BRI3BP: variants seen among roughly 807,000 people sequenced by gnomAD.
BRI3BP encodes the protein BRI3 binding protein, also known as BRI3-binding protein.
A neutral mutation model predicts 15.8 loss-of-function variants in BRI3BP; 7 were observed. That is an observed-to-expected ratio of 0.44 (90% confidence interval 0.25 to 0.83). The LOEUF is 0.83. Among genes scored for constraint, BRI3BP ranks in the 40% least tolerant of loss-of-function variants. BRI3BP has a pLI of 0.20. For synonymous variants in BRI3BP, 192 were observed against 163.5 expected, an observed-to-expected ratio of 1.17 and a Z score of -1.33; for missense variants, 320 against 339.3, an observed-to-expected ratio of 0.94 and a Z score of 0.45.
chr12:125,026,318 G>GGT lies in BRI3BP; in HGVS notation c.*888_*889insGT, dbSNP rs1443079467. On this transcript the variant is annotated 3_prime_UTR_variant, in exon 3 of 3. Coordinates refer to ENST00000341446, the MANE Select transcript of BRI3BP (RefSeq NM_080626.6). ...ATATACAAAAGCTATACCCTTGAGG[G>GGT]TTTTTTTTTTTTTCTTTTGATTTCC... 1.4e-5 allele frequency: 2 copies of GGT among 146,874 alleles called. No individual in the cohort carries two copies. Among genetic ancestry groups the GGT allele is most frequent in the Admixed American group, 6.8e-5 (1 of 14,756 alleles). 9.1% of individuals were successfully genotyped at this position (146,874 alleles called of 1,614,324 possible).
chr12:124,996,427 C>CTGAGTAGCCGGGATTACAAG (rs879804258), intron 1 of BRI3BP, among the ~76,000 whole-genome samples: 1 of 152,148 alleles, frequency 6.6e-6, no homozygotes, highest in East Asian at 1.9e-4. Flanking sequence ...CCTCAGCCTC[C>CTGAGTAGCCGGGATTACAAG]TGAGTAGCCG....
At chr12:125,049,749 A>G in the BRI3BP span, among the ~76,000 whole-genome samples, 1 of 152,198 alleles carries the variant, frequency 6.6e-6, no homozygotes, top group Non-Finnish European at 1.5e-5. Flanking sequence ...GATCTTCCAG[A>G]CGCGGAGGCC....
At chr12:125,035,163 C>G (rs1364050063), downstream of BRI3BP, among the ~76,000 whole-genome samples, 1 of 152,148 alleles carries the variant, frequency 6.6e-6, no homozygotes, top group Admixed American at 6.5e-5. Context: ...ATGTATAGGA[C>G]TTTGTATGAA....
At chr12:125,032,156 T>C (rs1233557329), downstream of BRI3BP, among the ~76,000 whole-genome samples, 1 of 152,102 alleles carries the variant, frequency 6.6e-6, no homozygotes, top group African/African-American at 2.4e-5. Flanking sequence ...ATAAAGTCAA[T>C]ACCTGCTATT....
intron 2 of BRI3BP, among the ~76,000 whole-genome samples, chr12:125,016,108 C>G (rs1201758368): frequency 2.6e-5 from 4 of 152,182 alleles, no homozygotes; most frequent in Non-Finnish European, 5.9e-5. Context: ...TCCACGAGCC[C>G]TGAATGCCTG....
In BRI3BP at chr12:125,031,064, GATA is replaced by G. The variant is rs1366836125; in HGVS notation, c.*5635_*5637del. 1 of 151,492 alleles carries G rather than the reference GATA, an allele frequency of 6.6e-6. No homozygotes were observed. Among genetic ancestry groups the G allele is most frequent in the Admixed American group, 6.6e-5 (1 of 15,188 alleles). 9.4% of individuals were successfully genotyped at this position (151,492 alleles called of 1,614,324 possible). ...TGTATCAGGCATTTTTTTGCAAAGCGATATATACATTCCTCTTATTTATTAAAT... is the reference window on the plus strand; with the variant it reads ...TGTATCAGGCATTTTTTTGCAAAGCGTATACATTCCTCTTATTTATTAAAT... On this transcript the variant is annotated 3_prime_UTR_variant, in exon 3 of 3. Transcript: ENST00000341446.
chr12:125,031,401 G>A (rs150004199), downstream of BRI3BP, among the ~76,000 whole-genome samples: 92 of 152,112 alleles, frequency 6.0e-4, no homozygotes, highest in African/African-American at 2.0e-3. Flanking sequence ...ACAACCAGTA[G>A]TGTTTTAGTA....
chr12:124,994,561 C>G (rs139841851), intron 1 of BRI3BP, among the ~76,000 whole-genome samples: 10 of 152,274 alleles, frequency 6.6e-5, no homozygotes, highest in Middle Eastern at 3.4e-3. Context: ...CGAGCACCTA[C>G]TGTGTGCGGG....
At chr12:125,037,406 T>C in the BRI3BP span, among the ~76,000 whole-genome samples, 1 of 152,166 alleles carries the variant, frequency 6.6e-6, no homozygotes, top group Non-Finnish European at 1.5e-5. Context: ...AGATAGCAGA[T>C]TGGCAACCTG....
chr12:125,012,599 A>T lies in BRI3BP; in HGVS notation c.279A>T (p.Lys93Asn). 6.2e-7 allele frequency: 1 copy of T among 1,612,878 alleles called. No homozygotes were observed. Residue 93 changes from lysine to asparagine, a missense_variant, in exon 2 of 3, where the codon AAA becomes AAT. Lys to Asn is a moderately conservative substitution (Grantham distance 94). Coordinates refer to ENST00000341446, the MANE Select transcript of BRI3BP (RefSeq NM_080626.6). Reference sequence around the variant, plus strand: ...ATATGTTCGTGGAGACACTGTGGAAAGTCTGGACCGAGCTCTTGGATGTTC... The same window carrying T: ...ATATGTTCGTGGAGACACTGTGGAATGTCTGGACCGAGCTCTTGGATGTTC... ...GVDMFVETLW[K>N]VWTELLDVLG... is the part of the protein sequence containing the mutation.
chr12:125,022,518 A>ATTATTTATTTATTTATTTATTTAT (rs573464976), intron 2 of BRI3BP, among the ~76,000 whole-genome samples: 11 of 144,426 alleles, frequency 7.6e-5, no homozygotes, highest in Middle Eastern at 3.6e-3. Context: ...TTGTTAATTT[A>ATTATTTATTTATTTATTTATTTAT]TTATTTATTT....
At chr12:125,017,448 C>A (rs1286964651) in intron 2 of BRI3BP, among the ~76,000 whole-genome samples, 1 of 152,100 alleles carries the variant, frequency 6.6e-6, no homozygotes, top group Admixed American at 6.5e-5. Flanking sequence ...TGCCACCATG[C>A]CCAGGTGAAA....
chr12:125,000,722 T>G (rs1271741275), intron 1 of BRI3BP, among the ~76,000 whole-genome samples: 1 of 152,194 alleles, frequency 6.6e-6, no homozygotes, highest in Admixed American at 6.5e-5. Context: ...TTCTTACATT[T>G]CCCCTCAAAC....
intron 1 of BRI3BP, among the ~76,000 whole-genome samples, chr12:124,999,479 A>G (rs911106408): frequency 1.3e-5 from 2 of 152,144 alleles, no homozygotes; most frequent in African/African-American, 4.8e-5. Context: ...GCTGGAGTGC[A>G]GTAGCTCAAT....
chr12:125,025,394 G>C lies in BRI3BP; in HGVS notation c.720G>C (p.Arg240=). ...GACTGCTCAACATCCGTCTCAACCG[G>C]GTGCTCGAGAGCCTGGACCGCTCCA... ...QVRLLNIRLN[R]VLESLDRSKD... Residue 240 remains arginine, a synonymous_variant, in exon 3 of 3, where the codon CGG becomes CGC. Transcript: ENST00000341446. The C allele has an allele frequency of 6.2e-7, 1 of 1,609,086 alleles. No individual in the cohort carries two copies. Among genetic ancestry groups the C allele is most frequent in the South Asian group, 1.1e-5 (1 of 90,642 alleles).
the BRI3BP span, among the ~76,000 whole-genome samples, chr12:125,040,154 C>T: frequency 1.3e-4 from 19 of 150,986 alleles, no homozygotes; most frequent in Non-Finnish European, 1.0e-4. Flanking sequence ...TCCAGCTACT[C>T]GGGAGGCTGA....
chr12:125,045,188 C>T, the BRI3BP span, among the ~76,000 whole-genome samples: 3 of 152,152 alleles, frequency 2.0e-5, no homozygotes, highest in Non-Finnish European at 4.4e-5. Flanking sequence ...AAAAAAACCA[C>T]TGCAAAGAAC....
At chr12:125,036,995 T>C in the BRI3BP span, among the ~76,000 whole-genome samples, 6 of 152,260 alleles carry the variant, frequency 3.9e-5, no homozygotes, top group Admixed American at 3.9e-4. Flanking sequence ...ACTATTGTAT[T>C]ACAGCATCCT....
chr12:125,018,290 C>CCT (rs1263804138), intron 2 of BRI3BP, among the ~76,000 whole-genome samples: 2 of 152,068 alleles, frequency 1.3e-5, no homozygotes, highest in South Asian at 2.1e-4. Context: ...TGTGTGTCCC[C>CCT]GTATTCATCT....
Sources: allele counts gnomAD v4.1 joint callset (sites outside exome capture counted in the v4.1 genomes callset), GRCh38; gene constraint gnomAD v4.1.1; transcripts MANE v1.5; gene names NCBI Gene and HGNC (gene_info 2026-07-23, HGNC 2026-07-21).